Variants in PDE5A observed in about 807,000 individuals in gnomAD.
PDE5A encodes the protein cGMP-specific 3',5'-cyclic phosphodiesterase.
In PDE5A, 67 loss-of-function variants were observed where a neutral mutation model predicts 110.2. The observed-to-expected ratio is 0.61, with a 90% CI of 0.50 to 0.75. The LOEUF (loss-of-function observed/expected upper bound fraction) is 0.75, where lower values mean the gene tolerates loss of function less well. PDE5A is among the 30% of genes least tolerant of loss of function. The probability of loss-of-function intolerance (pLI) is 0.00; values close to 1 mark genes in which losing one functional copy is unlikely to be tolerated. For synonymous variants in PDE5A, 328 were observed against 351.2 expected, an observed-to-expected ratio of 0.93 and a Z score of 0.74; for missense variants, 862 against 1,045.1, an observed-to-expected ratio of 0.82 and a Z score of 2.42.
chr4:119,570,354 C>T (rs1378423108), intron 3 of PDE5A, among the ~76,000 whole-genome samples: 2 of 152,194 alleles, frequency 1.3e-5, no homozygotes, highest in Admixed American at 1.3e-4. Flanking sequence ...TGAGAGGCAG[C>T]ACCCCTAAAA....
intron 9 of PDE5A, among the ~76,000 whole-genome samples, chr4:119,546,719 T>C (rs904480108): frequency 7.1e-6 from 1 of 141,534 alleles, no homozygotes; most frequent in Middle Eastern, 3.7e-3. Context: ...TCTCGTAAAC[T>C]AGATTTTAAT....
chr4:119,551,947 G>T (rs1727370245), intron 9 of PDE5A: 1 of 152,094 alleles, frequency 6.6e-6, no homozygotes, highest in African/African-American at 2.4e-5. Context: ...CGGATGATTG[G>T]CATATAAAAT....
chr4:119,540,547 T>C (rs1726891886), intron 10 of PDE5A, among the ~76,000 whole-genome samples: 1 of 152,138 alleles, frequency 6.6e-6, no homozygotes, highest in Non-Finnish European at 1.5e-5. Context: ...TATTAACAAG[T>C]GCAGTGCAAC....
chr4:119,589,434 AG>A (rs1297707826), intron 3 of PDE5A, among the ~76,000 whole-genome samples: 1 of 151,468 alleles, frequency 6.6e-6, no homozygotes, highest in Admixed American at 6.6e-5. Flanking sequence ...CATCTGAGCT[AG>A]GGGGAAAGAT....
chr4:119,600,197 T>A (rs549592014), intron 2 of PDE5A, among the ~76,000 whole-genome samples: 2 of 151,426 alleles, frequency 1.3e-5, no homozygotes, highest in Non-Finnish European at 2.9e-5. Flanking sequence ...TATATATATA[T>A]AAAAAGAGTA....
Position 119,532,985 on chromosome 4 carries a change from G to C in PDE5A, c.1632+5975C>G, listed in dbSNP as rs529125433. Among the ~76,000 whole-genome samples, 16 of 152,054 alleles carry C rather than the reference G, an allele frequency of 1.1e-4. No homozygotes were observed. In the South Asian group the frequency reaches 1.2e-3, roughly 12 times the overall value. Reference sequence around the variant, plus strand: ...TAGCCAACTGCTAAGAAAAGAAAAGGCTCTTTATTCAGAAAGTTATTTATT... The same window carrying C: ...TAGCCAACTGCTAAGAAAAGAAAAGCCTCTTTATTCAGAAAGTTATTTATT... On this transcript the variant is annotated intron_variant, in intron 11 of 20. Coordinates refer to ENST00000354960, the MANE Select transcript of PDE5A (RefSeq NM_001083.4).
chr4:119,595,751 T>C (rs1258517822), intron 3 of PDE5A, among the ~76,000 whole-genome samples: 5 of 152,226 alleles, frequency 3.3e-5, no homozygotes, highest in Non-Finnish European at 7.3e-5. Flanking sequence ...GATGGCAGAC[T>C]GTGGGACCTC....
At chr4:119,600,195 T>C (rs985121422) in intron 2 of PDE5A, among the ~76,000 whole-genome samples, 2 of 151,706 alleles carry the variant, frequency 1.3e-5, no homozygotes, top group African/African-American at 4.8e-5. Flanking sequence ...TATATATATA[T>C]ATAAAAAGAG....
intron 5 of PDE5A, 47 bp from the exon 6 acceptor site, chr4:119,563,017 T>A: frequency 1.3e-6 from 2 of 1,485,292 alleles, no homozygotes; most frequent in Non-Finnish European, 1.8e-6. Flanking sequence ...TGATTGTAAT[T>A]ATTAAAGCAC....
chr4:119,506,095 C>G (rs1028875036), intron 16 of PDE5A, among the ~76,000 whole-genome samples, 163 bp from the exon 17 acceptor site: 1 of 151,618 alleles, frequency 6.6e-6, no homozygotes, highest in African/African-American at 2.4e-5. Context: ...TCTTTAATAC[C>G]TCACTTTCCC....
At chr4:119,561,867 A>G (rs12108288) in intron 6 of PDE5A, among the ~76,000 whole-genome samples, 6,244 of 152,308 alleles carry the variant, frequency 0.041, 178 homozygotes, top group Middle Eastern at 0.086. Flanking sequence ...GTCATACAGT[A>G]TAGTCCTTAT....
At chr4:119,588,599 G>T (rs1728857344) in intron 3 of PDE5A, among the ~76,000 whole-genome samples, 2 of 147,538 alleles carry the variant, frequency 1.4e-5, no homozygotes, top group African/African-American at 5.0e-5. Context: ...GATAATTTAG[G>T]AGAAATAAAT....
intron 3 of PDE5A, among the ~76,000 whole-genome samples, chr4:119,579,653 A>T (rs1397006492): frequency 6.6e-6 from 1 of 151,696 alleles, no homozygotes; most frequent in Non-Finnish European, 1.5e-5. Flanking sequence ...GAACACATGG[A>T]CACAGGAAGG....
intron 12 of PDE5A, among the ~76,000 whole-genome samples, chr4:119,522,104 T>C (rs1361352382): frequency 1.3e-5 from 2 of 152,150 alleles, no homozygotes; most frequent in Non-Finnish European, 2.9e-5. Context: ...CGGTAGAAAC[T>C]GCTTATAAAG....
intron 2 of PDE5A, among the ~76,000 whole-genome samples, chr4:119,601,908 T>C (rs1161868629): frequency 2.0e-5 from 3 of 152,184 alleles, no homozygotes; most frequent in East Asian, 1.9e-4. Context: ...ATAACAGGCC[T>C]GTACCCTTTA....
At chr4:119,585,063 C>T (rs918657878) in intron 3 of PDE5A, among the ~76,000 whole-genome samples, 3 of 152,142 alleles carry the variant, frequency 2.0e-5, no homozygotes, top group Non-Finnish European at 4.4e-5. Flanking sequence ...ATCACAAGGT[C>T]AGGAGTTTGA....
rs371543737 is a variant in PDE5A at position 119,599,750 on chromosome 4, T to C, written c.742-3138A>G. Among the ~76,000 whole-genome samples, 226 of 118,714 alleles carry C rather than the reference T, an allele frequency of 1.9e-3. 1 individual carries two copies. The highest frequency in any genetic ancestry group is 6.0e-3 in the African/African-American group (188 of 31,224). 77.9% of individuals were successfully genotyped at this position (118,714 alleles called of 152,430 possible). On this transcript the variant is annotated intron_variant, in intron 2 of 20. Transcript: ENST00000354960. ...ACACACACACACACACACACACACATACATATATTTGGAGTCCCAAAGATA... is the reference window on the plus strand; with the variant it reads ...ACACACACACACACACACACACACACACATATATTTGGAGTCCCAAAGATA...
At position 119,501,263 on chromosome 4, in the gene PDE5A, C is replaced by T; in HGVS notation, c.2407-10G>A. 6 of 1,481,972 alleles carry T rather than the reference C, an allele frequency of 4.0e-6. No individual in the cohort carries two copies. The highest frequency in any genetic ancestry group is 5.7e-6 in the Non-Finnish European group (6 of 1,060,190). 91.8% of individuals were successfully genotyped at this position (1,481,972 alleles called of 1,614,324 possible). Reference sequence around the variant, plus strand: ...CCCTGTTCATTAGATCCTGAAAATACAAATACAGACCAGACACACAGATGT... The same window carrying T: ...CCCTGTTCATTAGATCCTGAAAATATAAATACAGACCAGACACACAGATGT... On this transcript the variant is annotated splice_polypyrimidine_tract_variant and intron_variant, in intron 19 of 20. Transcript: ENST00000354960.
At position 119,570,787 on chromosome 4, in the gene PDE5A, C is replaced by T. The variant is rs76744352; in HGVS notation, c.832-3643G>A. ...GGAAAGGACAGACTACAAATCATAGCTATCCCTCTCTCTCAGCCTCAGAAG... is the reference window on the plus strand; with the variant it reads ...GGAAAGGACAGACTACAAATCATAGTTATCCCTCTCTCTCAGCCTCAGAAG... On this transcript the variant is annotated intron_variant, in intron 3 of 20. Transcript: ENST00000354960. 4.2e-3 allele frequency among the ~76,000 whole-genome samples: 633 copies of T among 152,134 alleles called. 4 individuals carry two copies. The highest frequency in any genetic ancestry group is 0.015 in the African/African-American group (617 of 41,488).
Sources: allele counts gnomAD v4.1 joint callset (sites outside exome capture counted in the v4.1 genomes callset), GRCh38; gene constraint gnomAD v4.1.1; transcripts MANE v1.5; gene names NCBI Gene and HGNC (gene_info 2026-07-23, HGNC 2026-07-21).